TMEM182: variants seen among roughly 807,000 people sequenced by gnomAD.
The protein encoded by TMEM182 is transmembrane protein 182.
TMEM182 carries 20 observed loss-of-function variants against 26.8 expected under a neutral mutation model. That is an observed-to-expected ratio of 0.75 (90% CI 0.53 to 1.09). The LOEUF (loss-of-function observed/expected upper bound fraction) is 1.09, where lower values mean the gene tolerates loss of function less well. Among genes scored for constraint, TMEM182 ranks in the 50% least tolerant of loss-of-function variants. TMEM182 has a pLI of 0.00. For missense variants in TMEM182, 277 were observed against 275.5 expected, an observed-to-expected ratio of 1.01 and a Z score of -0.04; for synonymous variants, 109 against 102.2, an observed-to-expected ratio of 1.07 and a Z score of -0.40.
At chr2:102,820,331 T>G (rs1682894133), downstream of TMEM182, among the ~76,000 whole-genome samples, 1 of 152,264 alleles carries the variant, frequency 6.6e-6, no homozygotes, top group East Asian at 1.9e-4. Context: ...TACATGCTAC[T>G]AGTCACAAAT....
chr2:102,743,748 TA>T (rs2104629746), intron 1 of TMEM182, among the ~76,000 whole-genome samples: 1 of 152,072 alleles, frequency 6.6e-6, no homozygotes, highest in East Asian at 1.9e-4. Context: ...TAAAACATAT[TA>T]AAAATAAAAG....
intron 4 of TMEM182, among the ~76,000 whole-genome samples, chr2:102,814,104 ATT>A (rs1192632309): frequency 6.9e-6 from 1 of 145,940 alleles, no homozygotes; most frequent in Non-Finnish European, 1.5e-5. Flanking sequence ...ATATATATAT[ATT>A]TAGATTCTGA....
intron 3 of TMEM182, among the ~76,000 whole-genome samples, chr2:102,826,288 A>G (rs981288701): frequency 6.7e-6 from 1 of 148,374 alleles, no homozygotes; most frequent in African/African-American, 2.5e-5. Context: ...TGCAGCGTAC[A>G]GTCTGCAGCT....
Position 102,762,133 on chromosome 2 carries a change from T to C in TMEM182, c.-85T>C. The C allele has an allele frequency of 9.2e-7, 1 of 1,082,538 alleles. No homozygotes were observed. The highest frequency in any genetic ancestry group is 1.6e-5 in the South Asian group (1 of 64,226). 67.1% of individuals were successfully genotyped at this position (1,082,538 alleles called of 1,614,324 possible). ...TCAAAAATATTATTCTTTTTTTTTTTTTTTTGCTGTTGTTTCTGAGAAACT... is the reference window on the plus strand; with the variant it reads ...TCAAAAATATTATTCTTTTTTTTTTCTTTTTGCTGTTGTTTCTGAGAAACT... On this transcript the variant is annotated 5_prime_UTR_variant, in exon 1 of 5. Coordinates refer to ENST00000412401, the MANE Select transcript of TMEM182 (RefSeq NM_144632.5).
At chr2:102,763,818 C>A (rs1205958503) in intron 2 of TMEM182, among the ~76,000 whole-genome samples, 3 of 152,028 alleles carry the variant, frequency 2.0e-5, no homozygotes, top group Non-Finnish European at 4.4e-5. Context: ...CATAAAAGTG[C>A]CTTCTTGTGA....
At chr2:102,800,908 C>T (rs2540280) in intron 4 of TMEM182, among the ~76,000 whole-genome samples, 82,180 of 150,892 alleles carry the variant, frequency 0.54, 22,848 homozygotes, top group African/African-American at 0.66. Context: ...AAGCAATATA[C>T]GTGAAGAGTT....
intron 3 of TMEM182, among the ~76,000 whole-genome samples, chr2:102,779,422 C>G (rs1402598053): frequency 6.6e-6 from 1 of 152,118 alleles, no homozygotes; most frequent in African/African-American, 2.4e-5. Context: ...TCAGCCCTGT[C>G]CTATTTCTTC....
At chr2:102,801,612 C>G (rs1682142581) in intron 4 of TMEM182, among the ~76,000 whole-genome samples, 2 of 152,320 alleles carry the variant, frequency 1.3e-5, no homozygotes, top group East Asian at 3.9e-4. Flanking sequence ...GCTCAGGCTT[C>G]TCATGACCTT....
intron 3 of TMEM182, among the ~76,000 whole-genome samples, chr2:102,786,173 C>T (rs1681380770): frequency 2.0e-5 from 3 of 147,188 alleles, no homozygotes; most frequent in Non-Finnish European, 4.4e-5. Flanking sequence ...GGAATTCCGG[C>T]ACATGGAGAG....
At position 102,814,848 on chromosome 2, in the gene TMEM182, T is replaced by C; in HGVS notation, c.570T>C (p.Asp190=). 1 of 1,613,900 alleles carries C rather than the reference T, an allele frequency of 6.2e-7. No individual in the cohort carries two copies. The highest frequency in any genetic ancestry group is 8.5e-7 in the Non-Finnish European group (1 of 1,179,954). The stretch of plus-strand genomic sequence containing the variant: ...ACATGAAAATGAAGGACTGCCTGGA[T>C]TTCACCCCTTCTGTTCTGTATGGCT... ...YRNMKMKDCL[D]FTPSVLYGWS... The change falls in exon 5 of 5, where the codon GAT becomes GAC. Residue 190 remains aspartate (D), a synonymous_variant. Transcript: ENST00000412401.
intron 1 of TMEM182, among the ~76,000 whole-genome samples, chr2:102,750,006 G>T (rs4851637): frequency 0.3 from 45,249 of 151,202 alleles, 7,304 homozygotes; most frequent in East Asian, 0.58. Flanking sequence ...TCTATCTGGC[G>T]ATCATATTAA....
chr2:102,782,786 A>G (rs1433439393), intron 3 of TMEM182, among the ~76,000 whole-genome samples: 2 of 152,208 alleles, frequency 1.3e-5, no homozygotes, highest in Admixed American at 6.5e-5. Context: ...GGTAAGCTTT[A>G]TTATTTTACA....
chr2:102,811,099 G>A (rs1384076679), intron 4 of TMEM182, among the ~76,000 whole-genome samples: 1 of 134,426 alleles, frequency 7.4e-6, no homozygotes, highest in Non-Finnish European at 1.6e-5. Context: ...ATCATGCTTT[G>A]TATTTAGTTG....
chr2:102,809,784 A>G (rs1682484080), intron 4 of TMEM182, among the ~76,000 whole-genome samples: 1 of 152,204 alleles, frequency 6.6e-6, no homozygotes, highest in South Asian at 2.1e-4. Flanking sequence ...CCTGCTAAAT[A>G]TTGCACTACC....
intron 3 of TMEM182, among the ~76,000 whole-genome samples, chr2:102,786,726 G>T (rs1396501980): frequency 6.6e-6 from 1 of 152,140 alleles, no homozygotes; most frequent in East Asian, 1.9e-4. Context: ...TTAACCTTGG[G>T]ATTACAGGGG....
chr2:102,769,542 G>A (rs962991660), intron 3 of TMEM182, among the ~76,000 whole-genome samples: 5 of 152,032 alleles, frequency 3.3e-5, no homozygotes, highest in African/African-American at 9.7e-5. Context: ...AACTATACAT[G>A]TCTATCTTGC....
intron 3 of TMEM182, among the ~76,000 whole-genome samples, chr2:102,839,353 C>G (rs1683305296): frequency 6.6e-6 from 1 of 151,094 alleles, no homozygotes; most frequent in Admixed American, 6.6e-5. Flanking sequence ...CTTTTAGTGG[C>G]TTCACATCAT....
chr2:102,782,570 C>T (rs1681217949), intron 3 of TMEM182, among the ~76,000 whole-genome samples: 1 of 152,076 alleles, frequency 6.6e-6, no homozygotes, highest in East Asian at 1.9e-4. Flanking sequence ...AGTAGTACAT[C>T]AGGACTACTT....
rs557590135 is a variant in TMEM182 at position 102,830,058 on chromosome 2, T to C, written c.326-13354T>C. ...ATGGAGAAAGCTGTGTTTGTTGAGA[T>C]GTTAGTGTTCACCCAGTTCTGTCTA... On this transcript the variant is annotated intron_variant, in intron 3 of 3. Coordinates refer to the TMEM182 transcript ENST00000486293. Among the ~76,000 whole-genome samples the C allele has an allele frequency of 2.0e-5, 3 of 152,318 alleles. No individual in the cohort carries two copies. In the South Asian group the frequency reaches 6.2e-4, roughly 32 times the overall value.
Sources: allele counts gnomAD v4.1 joint callset (sites outside exome capture counted in the v4.1 genomes callset), GRCh38; gene constraint gnomAD v4.1.1; transcripts MANE v1.5; gene names NCBI Gene and HGNC (gene_info 2026-07-23, HGNC 2026-07-21).